Variants in HECW1 observed in about 807,000 individuals in gnomAD.
The protein encoded by HECW1 is HECT, C2 and WW domain containing E3 ubiquitin protein ligase 1.
HECW1 carries 61 observed loss-of-function variants against 182.3 expected under a neutral mutation model. The observed-to-expected ratio is 0.33, with a 90% CI of 0.27 to 0.41. The LOEUF is 0.41. Among genes scored for constraint, HECW1 ranks in the 10% least tolerant of loss-of-function variants. The pLI, the probability that HECW1 is intolerant of heterozygous loss-of-function variation, is 1.00. For synonymous variants in HECW1, 859 were observed against 832.6 expected (o/e 1.03, Z -0.55); for missense variants, 1,739 against 2,108.9 (o/e 0.82, Z 3.44).
chr7:43,261,589 G>A (rs1046568902), intron 3 of HECW1, among the ~76,000 whole-genome samples: 12 of 152,104 alleles, frequency 7.9e-5, no homozygotes, highest in South Asian at 6.2e-4. Context: ...CATGTGGCAC[G>A]GACTCCACCC....
intron 2 of HECW1, among the ~76,000 whole-genome samples, chr7:43,127,523 CA>C (rs71562078): frequency 0.034 from 1,944 of 57,244 alleles, 21 homozygotes; most frequent in African/African-American, 0.099. Flanking sequence ...AACTCCATCT[CA>C]AAAAAAAAAA....
rs1346784488 is a variant in HECW1, at chr7:43,204,612, G to A, written c.-31-39263G>A. 2.0e-5 allele frequency among the ~76,000 whole-genome samples: 3 copies of A among 152,180 alleles called. No individual in the cohort carries two copies. The East Asian group carries it at 5.8e-4, about 29-fold the overall frequency. On this transcript the variant is annotated intron_variant, in intron 2 of 29. Coordinates refer to ENST00000395891, the MANE Select transcript of HECW1 (RefSeq NM_015052.5). ...AAACACAAAGCTGAACACTAGTTAA[G>A]GAGACAAGACGGATTCTAGTCAGTA...
intron 19 of HECW1, among the ~76,000 whole-genome samples, chr7:43,496,166 G>A (rs10487676): frequency 0.16 from 23,848 of 149,872 alleles, 2,432 homozygotes; most frequent in Non-Finnish European, 0.22. Flanking sequence ...ATCAGGCCAC[G>A]TTGGAATTGG....
intron 2 of HECW1, among the ~76,000 whole-genome samples, chr7:43,220,303 G>T (rs1053858586): frequency 6.6e-6 from 1 of 152,180 alleles, no homozygotes; most frequent in Non-Finnish European, 1.5e-5. Flanking sequence ...TCCCTGCGGG[G>T]TCAGGATGCA....
intron 5 of HECW1, among the ~76,000 whole-genome samples, chr7:43,334,991 G>A (rs1207710530): frequency 6.6e-6 from 1 of 152,072 alleles, no homozygotes; most frequent in Non-Finnish European, 1.5e-5. Context: ...CTATAACACA[G>A]AACATAAATT....
In HECW1 at chr7:43,554,809, C is replaced by A; in HGVS notation, c.4709+19C>A. The stretch of plus-strand genomic sequence containing the variant: ...TCCCCAGGTACAGAGCTCCTGCCAG[C>A]CTTCGGGGAAACCTGCTGAAGAGGG... On this transcript the variant is annotated intron_variant, in intron 29 of 29. Transcript: ENST00000395891. 1 of 1,607,582 alleles carries A rather than the reference C, an allele frequency of 6.2e-7. No individual in the cohort carries two copies. The highest frequency in any genetic ancestry group is 1.3e-5 in the African/African-American group (1 of 74,920).
chr7:43,137,589 A>T (rs1787698803), intron 2 of HECW1, among the ~76,000 whole-genome samples: 1 of 149,988 alleles, frequency 6.7e-6, no homozygotes, highest in East Asian at 2.0e-4. Context: ...TTGCTCTGTC[A>T]TCCAGGCTGG....
At chr7:43,201,885 T>G (rs1214791414) in intron 2 of HECW1, among the ~76,000 whole-genome samples, 1 of 152,196 alleles carries the variant, frequency 6.6e-6, no homozygotes, top group Non-Finnish European at 1.5e-5. Context: ...GATAAAGGAC[T>G]GACTAAAATA....
intron 8 of HECW1, among the ~76,000 whole-genome samples, chr7:43,408,512 A>G (rs2075686199): frequency 6.7e-6 from 1 of 149,216 alleles, no homozygotes; most frequent in Non-Finnish European, 1.5e-5. Context: ...GCAAAACCCC[A>G]TCTCCACCAA....
rs1371735445 is a variant in HECW1, at chr7:43,445,099, G to T, written c.1927G>T (p.Gly643Cys). Residue 643 changes from glycine to cysteine, a missense_variant, in exon 11 of 30, where the codon GGC (glycine) becomes TGC (cysteine). Coordinates refer to ENST00000395891, the MANE Select transcript of HECW1 (RefSeq NM_015052.5). Reference sequence around the variant, plus strand: ...GGGCCACTTCCCCAGCCTGGCCAATGGCGCGGCCCAGGATGGCGACACGCA... The same window carrying T: ...GGGCCACTTCCCCAGCCTGGCCAATTGCGCGGCCCAGGATGGCGACACGCA... The part of the protein sequence containing the change: ...SGGHFPSLAN[G>C]AAQDGDTHPS... 1.9e-6 allele frequency: 3 copies of T among 1,605,414 alleles called. No homozygotes were observed. Among genetic ancestry groups the T allele is most frequent in the Non-Finnish European group, 2.5e-6 (3 of 1,177,482 alleles).
At chr7:43,344,803 A>T (rs373127884) in intron 5 of HECW1, among the ~76,000 whole-genome samples, 1 of 151,950 alleles carries the variant, frequency 6.6e-6, no homozygotes, top group East Asian at 1.9e-4. Context: ...TGTTAAACCT[A>T]TTCATTGAGT....
chr7:43,397,992 C>G (rs1037775411), intron 7 of HECW1, among the ~76,000 whole-genome samples: 1 of 152,198 alleles, frequency 6.6e-6, no homozygotes, highest in African/African-American at 2.4e-5. Flanking sequence ...AGTGGTGGCT[C>G]ACACCTGTAA....
chr7:43,410,266 G>A lies in HECW1; in HGVS notation c.801+2535G>A, dbSNP rs966455304. Among the ~76,000 whole-genome samples the A allele has an allele frequency of 3.9e-5, 6 of 152,192 alleles. No individual in the cohort carries two copies. The East Asian group carries it at 5.8e-4, about 15-fold the overall frequency. ...AAGTCCGAGCCCAGGATGCTGGCACGGTTGGGTTCTGGTGAGGGCCTCTTT... is the reference window on the plus strand; with the variant it reads ...AAGTCCGAGCCCAGGATGCTGGCACAGTTGGGTTCTGGTGAGGGCCTCTTT... On this transcript the variant is annotated intron_variant, in intron 8 of 29. Transcript: ENST00000395891.
chr7:43,493,137 C>G lies in HECW1; in HGVS notation c.3394C>G (p.Leu1132Val). ...FLRQPNIFEMLQERQPSLARN... is the reference protein window; with the variant it reads ...FLRQPNIFEMVQERQPSLARN... ...TCGCCAGCCAAACATTTTTGAAATG[C>G]TGCAAGAGCGTCAGCCAAGCTTAGC... Residue 1132 changes from leucine (L) to valine (V), a missense_variant, in exon 19 of 30, where the codon CTG (leucine) becomes GTG (valine). Leu to Val is a conservative substitution (Grantham distance 32). This residue lies in a region of HECW1 where 971 missense variants were observed against 1,029.1 expected (regional missense o/e 0.94). Transcript: ENST00000395891. 6.2e-7 allele frequency: 1 copy of G among 1,613,738 alleles called. No homozygotes were observed.
intron 2 of HECW1, among the ~76,000 whole-genome samples, chr7:43,126,975 A>G (rs774942577): frequency 6.6e-6 from 1 of 152,166 alleles, no homozygotes; most frequent in Non-Finnish European, 1.5e-5. Context: ...CCTGAGACAC[A>G]ACAATATGGA....
chr7:43,124,235 G>A (rs1785944222), intron 2 of HECW1, among the ~76,000 whole-genome samples: 1 of 152,184 alleles, frequency 6.6e-6, no homozygotes, highest in African/African-American at 2.4e-5. Context: ...CATTTTAGAG[G>A]CAAAAGAGAG....
chr7:43,498,505 CG>C (rs913362224), intron 19 of HECW1, among the ~76,000 whole-genome samples: 1 of 152,072 alleles, frequency 6.6e-6, no homozygotes, highest in African/African-American at 2.4e-5. Context: ...TTCCAAATAA[CG>C]GGGCTGTGAG....
In HECW1 at chr7:43,469,008, A is replaced by G. The variant is rs199913481; in HGVS notation, c.3002A>G (p.Gln1001Arg). The G allele has an allele frequency of 2.2e-5, 35 of 1,614,108 alleles. No individual in the cohort carries two copies. In the Admixed American group the frequency reaches 3.7e-4, roughly 17 times the overall value. Residue 1001 changes from glutamine to arginine, a missense_variant, in exon 16 of 30, where the codon CAG (glutamine) becomes CGG (arginine). Coordinates refer to ENST00000395891, the MANE Select transcript of HECW1 (RefSeq NM_015052.5). Reference sequence around the variant, plus strand: ...GATGCTCGCAATTTTGAACGCTACCAGCACAACCGGGACTTGGTGAATTTC... The same window carrying G: ...GATGCTCGCAATTTTGAACGCTACCGGCACAACCGGGACTTGGTGAATTTC... The part of the protein sequence containing the change: ...RRDARNFERY[Q>R]HNRDLVNFIN...
intron 8 of HECW1, among the ~76,000 whole-genome samples, chr7:43,427,843 G>A (rs1397017615): frequency 6.6e-6 from 1 of 152,200 alleles, no homozygotes; most frequent in East Asian, 1.9e-4. Flanking sequence ...CATTGATGGA[G>A]AATGTCCCTT....
Sources: gnomAD v4.1 joint callset for allele counts (sites outside exome capture counted in the v4.1 genomes callset) on GRCh38, gnomAD v4.1.1 for gene constraint, gnomAD v4.1.1 regional missense constraint, MANE v1.5 for transcripts, NCBI Gene and HGNC (gene_info 2026-07-23, HGNC 2026-07-21) for gene names.